FOXC1: variants seen among roughly 807,000 people sequenced by gnomAD.
FOXC1 encodes the protein forkhead box protein C1.
A neutral mutation model predicts 8.1 loss-of-function variants in FOXC1; 5 were observed. That is an observed-to-expected ratio of 0.62 (90% CI 0.32 to 1.30). The LOEUF (loss-of-function observed/expected upper bound fraction) is 1.30, where lower values mean the gene tolerates loss of function less well. Among genes scored for constraint, FOXC1 ranks in the 50% most tolerant of loss-of-function variants. The pLI, the probability that FOXC1 is intolerant of heterozygous loss-of-function variation, is 0.05. For missense variants in FOXC1, 942 were observed against 858.0 expected (o/e 1.10, Z -1.22); for synonymous variants, 552 against 417.2 (o/e 1.32, Z -3.94).
In FOXC1 at chr6:1,612,117, A is replaced by G; in HGVS notation, c.*10A>G. The G allele has an allele frequency of 2.5e-6, 4 of 1,613,920 alleles. No individual in the cohort carries two copies. Among genetic ancestry groups the G allele is most frequent in the Non-Finnish European group, 3.4e-6 (4 of 1,179,996 alleles). On this transcript the variant is annotated 3_prime_UTR_variant, in exon 1 of 1. Transcript: ENST00000645831. ...CTGTAGCAAGTTTTGACACACCCTCAAAGCCGAACTAAATCGAACCCCAAA... is the reference window on the plus strand; with the variant it reads ...CTGTAGCAAGTTTTGACACACCCTCGAAGCCGAACTAAATCGAACCCCAAA...
chr6:1,613,767 TAC>T lies in FOXC1; in HGVS notation c.*1662_*1663del, dbSNP rs1762599045. 3 of 223,846 alleles carry T rather than the reference TAC, an allele frequency of 1.3e-5. No individual in the cohort carries two copies. Among genetic ancestry groups the T allele is most frequent in the Admixed American group, 5.9e-5 (1 of 16,898 alleles). 13.9% of individuals were successfully genotyped at this position (223,846 alleles called of 1,614,324 possible). A position where few individuals can be genotyped will look rare whatever the true frequency, so the allele number is the denominator to read the frequency against. On this transcript the variant is annotated 3_prime_UTR_variant, in exon 1 of 1. Coordinates refer to ENST00000645831, the MANE Select transcript of FOXC1 (RefSeq NM_001453.3). ...GGCTTGCAGTTTGTTTTGGAGATAA[TAC>T]AGTTTCCTGCTATCTGCCGCTCCTA...
Position 1,612,500 on chromosome 6 carries a change from C to T in FOXC1, c.*393C>T, listed in dbSNP as rs918803355. On this transcript the variant is annotated 3_prime_UTR_variant, in exon 1 of 1. Transcript: ENST00000645831. The stretch of plus-strand genomic sequence containing the variant: ...CTCTCTTGCCTTCTTCCTTGCCTCT[C>T]ACCTGTAAGATATTATTTTATCCTA... 5.2e-6 allele frequency: 2 copies of T among 384,954 alleles called. No individual in the cohort carries two copies. Among genetic ancestry groups the T allele is most frequent in the Admixed American group, 4.4e-5 (1 of 22,782 alleles). 23.8% of individuals were successfully genotyped at this position (384,954 alleles called of 1,614,324 possible).
Position 1,612,522 on chromosome 6 carries a change from C to G in FOXC1, c.*415C>G, listed in dbSNP as rs987612826. ...TCTCACCTGTAAGATATTATTTTAT[C>G]CTATGTTGAAGGGAGGGGGAAAGTC... On this transcript the variant is annotated 3_prime_UTR_variant, in exon 1 of 1. Coordinates refer to ENST00000645831, the MANE Select transcript of FOXC1 (RefSeq NM_001453.3). 2.3e-5 allele frequency: 7 copies of G among 309,084 alleles called. No homozygotes were observed. The Admixed American group carries it at 2.9e-4, about 13-fold the overall frequency. 19.1% of individuals were successfully genotyped at this position (309,084 alleles called of 1,614,324 possible).
In FOXC1 at chr6:1,611,625, C is replaced by T. The variant is rs1304195222; in HGVS notation, c.1180C>T (p.His394Tyr). Residue 394 changes from histidine (H) to tyrosine (Y), a missense_variant, in exon 1 of 1, where the codon CAC (histidine) becomes TAC (tyrosine). Physicochemically the swap from His to Tyr is moderately conservative, Grantham distance 83. Transcript: ENST00000645831. The surrounding 1 kb of genome is among the most constrained non-coding windows in gnomAD (Gnocchi z 7.1). Reference protein sequence around the residue: ...AGGAGGAGTYHCNLQAMSLYA... With the variant: ...AGGAGGAGTYYCNLQAMSLYA... ...GGGCGCGGGCGGCGCCGGGACCTAC[C>T]ACTGCAACCTGCAAGCCATGAGCCT... is the stretch of plus-strand genomic sequence containing the variant. 4 of 1,283,910 alleles carry T rather than the reference C, an allele frequency of 3.1e-6. No homozygotes were observed. The African/African-American group carries it at 4.8e-5, about 15-fold the overall frequency. 79.5% of individuals were successfully genotyped at this position (1,283,910 alleles called of 1,614,324 possible).
Position 1,611,104 on chromosome 6 carries a change from C to T in FOXC1, c.659C>T (p.Pro220Leu). ...DGNAPGPQPP[P>L]VRIQDIKTEN... ...AACGCGCCCGGTCCGCAGCCGCCGC[C>T]CGTGCGCATCCAGGACATCAAGACC... Residue 220 changes from proline (P) to leucine (L), a missense_variant, in exon 1 of 1, where the codon CCC becomes CTC. This residue lies in a region of FOXC1 where 726 missense variants were observed against 599.6 expected (regional missense o/e 1.21). Transcript: ENST00000645831. This position sits in a 1 kb window ranked among gnomAD's most constrained non-coding sequence, Gnocchi z 7.1. 1.5e-6 allele frequency: 2 copies of T among 1,378,596 alleles called. No individual in the cohort carries two copies. Among genetic ancestry groups the T allele is most frequent in the Non-Finnish European group, 1.9e-6 (2 of 1,054,274 alleles). 85.4% of individuals were successfully genotyped at this position (1,378,596 alleles called of 1,614,324 possible).
At position 1,610,665 on chromosome 6, in the gene FOXC1, A is replaced by G. The variant is rs762644463; in HGVS notation, c.220A>G (p.Lys74Glu). ...GCCCTACACGCCGCAGCCGCAGCCC[A>G]AGGACATGGTGAAGCCGCCCTATAG... ...YGPYTPQPQP[K>E]DMVKPPYSYI... The change falls in exon 1 of 1, where the codon AAG becomes GAG. Residue 74 changes from lysine (K) to glutamate (E), a missense_variant. Coordinates refer to ENST00000645831, the MANE Select transcript of FOXC1 (RefSeq NM_001453.3). 1 of 1,613,518 alleles carries G rather than the reference A, an allele frequency of 6.2e-7. No homozygotes were observed. Among genetic ancestry groups the G allele is most frequent in the South Asian group, 1.1e-5 (1 of 91,072 alleles).
chr6:1,611,795 CGGCGGCGGCGGG>C lies in FOXC1; in HGVS notation c.1353_1364del (p.Gly453_Gly456del), dbSNP rs1561676013. The C allele has an allele frequency of 7.5e-6, 11 of 1,464,916 alleles. No individual in the cohort carries two copies. In the South Asian group the frequency reaches 1.5e-4, roughly 19 times the overall value. The allele number at this position is 1,464,916 out of a possible 1,614,324, so 90.7% of individuals were successfully genotyped here. ...CGTCCCTGAGTCACGGCGGCGGCGG[CGGCGGCGGCGGG>C]GGAGGCCAGGAGGCCGGCCACCACC... On this transcript the variant is annotated inframe_deletion, in exon 1 of 1. Coordinates refer to ENST00000645831, the MANE Select transcript of FOXC1 (RefSeq NM_001453.3). This position sits in a 1 kb window ranked among gnomAD's most constrained non-coding sequence, Gnocchi z 7.1.
Position 1,611,593 on chromosome 6 carries a change from CCGCGGGGGG to C in FOXC1, c.1155_1163del (p.Gly389_Gly391del), listed in dbSNP as rs986306220. 1.2e-5 allele frequency: 14 copies of C among 1,143,886 alleles called. No homozygotes were observed. The highest frequency in any genetic ancestry group is 8.8e-5 in the African/African-American group (5 of 57,038). The allele number at this position is 1,143,886 out of a possible 1,614,324, so 70.9% of individuals were successfully genotyped here. On this transcript the variant is annotated inframe_deletion, in exon 1 of 1. Coordinates refer to ENST00000645831, the MANE Select transcript of FOXC1 (RefSeq NM_001453.3). The surrounding 1 kb of genome is among the most constrained non-coding windows in gnomAD (Gnocchi z 7.1). ...GGCGGCGGCGGCGGCGGCGCGGGGG[CCGCGGGGGG>C]CGCGGGCGGCGCCGGGACCTACCAC... is the stretch of plus-strand genomic sequence containing the variant.
chr6:1,612,265 C>T lies in FOXC1; in HGVS notation c.*158C>T, dbSNP rs1025952402. On this transcript the variant is annotated 3_prime_UTR_variant, in exon 1 of 1. Coordinates refer to ENST00000645831, the MANE Select transcript of FOXC1 (RefSeq NM_001453.3). ...ACAGAATATCCCTCCAAAAATTCAG[C>T]TCACCAGCACCAGCACGAAGAAAAC... The T allele has an allele frequency of 2.7e-6, 3 of 1,109,752 alleles. No individual in the cohort carries two copies. Among genetic ancestry groups the T allele is most frequent in the Non-Finnish European group, 3.9e-6 (3 of 771,234 alleles). The allele number at this position is 1,109,752 out of a possible 1,614,324, so 68.7% of individuals were successfully genotyped here. A position where few individuals can be genotyped will look rare whatever the true frequency, so the allele number is the denominator to read the frequency against.
In FOXC1 at chr6:1,612,385, C is replaced by T. The variant is rs368696215; in HGVS notation, c.*278C>T. 125 of 577,200 alleles carry T rather than the reference C, an allele frequency of 2.2e-4. 2 individuals carry two copies. In the East Asian group the frequency reaches 3.3e-3, roughly 15 times the overall value. The allele number at this position is 577,200 out of a possible 1,614,324, so 35.8% of individuals were successfully genotyped here. On this transcript the variant is annotated 3_prime_UTR_variant, in exon 1 of 1. Coordinates refer to ENST00000645831, the MANE Select transcript of FOXC1 (RefSeq NM_001453.3). ...CTGTTTTATACAGAGACAGCAAAAT[C>T]TTGGTTTATTAAAGGACAGTGTTAC...
rs533710669 is a variant in FOXC1 at position 1,610,643 on chromosome 6, C to G, written c.198C>G (p.Pro66=). 27 of 1,613,014 alleles carry G rather than the reference C, an allele frequency of 1.7e-5. No homozygotes were observed. The African/African-American group carries it at 2.7e-4, about 16-fold the overall frequency. The change falls in exon 1 of 1, where the codon CCC becomes CCG. Residue 66 remains proline (P), a synonymous_variant. Transcript: ENST00000645831. ...YPGGMARAYG[P]YTPQPQPKDM... is the part of the protein sequence containing the mutation. ...GCGGCATGGCCCGCGCCTACGGGCC[C>G]TACACGCCGCAGCCGCAGCCCAAGG...
Position 1,611,515 on chromosome 6 carries a change from A to G in FOXC1, c.1070A>G (p.Gln357Arg). The stretch of plus-strand genomic sequence containing the variant: ...GCGCTCGGCGCCTACTCGCCCGGCC[A>G]GAGCTCCCTCTACAGCTCCCCCTGC... ...PLALGAYSPG[Q>R]SSLYSSPCSQ... is the part of the protein sequence containing the mutation. Residue 357 changes from glutamine to arginine, a missense_variant, in exon 1 of 1, where the codon CAG becomes CGG. Around this residue, in one of 4 missense-constraint regions of FOXC1, gnomAD observed 726 missense variants for 599.6 expected, o/e 1.21. Coordinates refer to ENST00000645831, the MANE Select transcript of FOXC1 (RefSeq NM_001453.3). The surrounding 1 kb of genome is among the most constrained non-coding windows in gnomAD (Gnocchi z 7.1). 3 of 1,361,622 alleles carry G rather than the reference A, an allele frequency of 2.2e-6. No homozygotes were observed. Among genetic ancestry groups the G allele is most frequent in the Non-Finnish European group, 1.9e-6 (2 of 1,051,416 alleles). The allele number at this position is 1,361,622 out of a possible 1,614,324, so 84.3% of individuals were successfully genotyped here.
Position 1,611,964 on chromosome 6 carries a change from G to A in FOXC1, c.1519G>A (p.Val507Met). Reference protein sequence around the residue: ...YPGQQQNFHSVREMFESQRIG... With the variant: ...YPGQQQNFHSMREMFESQRIG... ...GGGCCAGCAGCAGAACTTCCACTCG[G>A]TGCGGGAGATGTTCGAGTCACAGAG... The change falls in exon 1 of 1, where the codon GTG becomes ATG. Residue 507 changes from valine to methionine, a missense_variant. By Grantham distance (21) the Val-to-Met change is conservative (BLOSUM62 1). This residue lies in a region of FOXC1 where 726 missense variants were observed against 599.6 expected (regional missense o/e 1.21). Transcript: ENST00000645831. This position sits in a 1 kb window ranked among gnomAD's most constrained non-coding sequence, Gnocchi z 7.1. The A allele has an allele frequency of 1.2e-6, 2 of 1,606,584 alleles. No individual in the cohort carries two copies. The highest frequency in any genetic ancestry group is 1.7e-6 in the Non-Finnish European group (2 of 1,176,570).
chr6:1,609,976 A>C lies in FOXC1; in HGVS notation c.-470A>C, dbSNP rs1288428608. 1 of 150,952 alleles carries C rather than the reference A, an allele frequency of 6.6e-6. No individual in the cohort carries two copies. Among genetic ancestry groups the C allele is most frequent in the Non-Finnish European group, 1.5e-5 (1 of 67,970 alleles). The allele number at this position is 150,952 out of a possible 1,614,324, so 9.4% of individuals were successfully genotyped here. A position where few individuals can be genotyped will look rare whatever the true frequency, so the allele number is the denominator to read the frequency against. The stretch of plus-strand genomic sequence containing the variant: ...AGCGGCTGGCGCGCGAGAGACCGAG[A>C]AAAGGTGACGCGGGGCCCGGGCAGG... On this transcript the variant is annotated 5_prime_UTR_variant, in exon 1 of 1. Transcript: ENST00000645831.
In FOXC1 at chr6:1,611,781, C is replaced by CACG; in HGVS notation, c.1337_1339dup (p.His446_Gly447insAsp). 6 of 1,435,054 alleles carry CACG rather than the reference C, an allele frequency of 4.2e-6. No homozygotes were observed. The highest frequency in any genetic ancestry group is 4.6e-6 in the Non-Finnish European group (5 of 1,098,858). The allele number at this position is 1,435,054 out of a possible 1,614,324, so 88.9% of individuals were successfully genotyped here. ...CAGCAGCAGCTCGTCGTCCCTGAGT[C>CACG]ACGGCGGCGGCGGCGGCGGCGGCGG... On this transcript the variant is annotated inframe_insertion, in exon 1 of 1. Transcript: ENST00000645831. This position sits in a 1 kb window ranked among gnomAD's most constrained non-coding sequence, Gnocchi z 7.1.
Position 1,610,010 on chromosome 6 carries a change from G to A in FOXC1, c.-436G>A, listed in dbSNP as rs1762501501. On this transcript the variant is annotated 5_prime_UTR_variant, in exon 1 of 1. Coordinates refer to ENST00000645831, the MANE Select transcript of FOXC1 (RefSeq NM_001453.3). ...CGCGGGGCCCGGGCAGGCGGCCGGCGCGCGGCCCCCCCCCCCCCCGCCCTG... is the reference window on the plus strand; with the variant it reads ...CGCGGGGCCCGGGCAGGCGGCCGGCACGCGGCCCCCCCCCCCCCCGCCCTG... The A allele has an allele frequency of 1.4e-5, 2 of 139,846 alleles. No homozygotes were observed. Among genetic ancestry groups the A allele is most frequent in the African/African-American group, 5.3e-5 (2 of 37,664 alleles). The allele number at this position is 139,846 out of a possible 1,614,324, so 8.7% of individuals were successfully genotyped here. A position where few individuals can be genotyped will look rare whatever the true frequency, so the allele number is the denominator to read the frequency against.
rs1323929504 is a variant in FOXC1, at chr6:1,611,129, C to G, written c.684C>G (p.Thr228=). 2 of 1,426,516 alleles carry G rather than the reference C, an allele frequency of 1.4e-6. No individual in the cohort carries two copies. Among genetic ancestry groups the G allele is most frequent in the African/African-American group, 1.5e-5 (1 of 66,704 alleles). 88.4% of individuals were successfully genotyped at this position (1,426,516 alleles called of 1,614,324 possible). The change falls in exon 1 of 1, where the codon ACC becomes ACG. Residue 228 remains threonine (T), a synonymous_variant. Transcript: ENST00000645831. This position sits in a 1 kb window ranked among gnomAD's most constrained non-coding sequence, Gnocchi z 7.1. Reference sequence around the variant, plus strand: ...CCGTGCGCATCCAGGACATCAAGACCGAGAACGGTACGTGCCCCTCGCCGC... The same window carrying G: ...CCGTGCGCATCCAGGACATCAAGACGGAGAACGGTACGTGCCCCTCGCCGC... ...PPPVRIQDIK[T]ENGTCPSPPQ...
Position 1,610,964 on chromosome 6 carries a change from C to T in FOXC1, c.519C>T (p.Arg173=), listed in dbSNP as rs766717877. The T allele has an allele frequency of 1.7e-5, 27 of 1,612,910 alleles. 1 individual carries two copies. The South Asian group carries it at 2.7e-4, about 16-fold the overall frequency. ...GCAGCTTCCTGCGGCGGCGGCGGCG[C>T]TTCAAGAAGAAGGACGCGGTGAAGG... ...ENGSFLRRRR[R]FKKKDAVKDK... Residue 173 remains arginine, a synonymous_variant, in exon 1 of 1, where the codon CGC becomes CGT. Transcript: ENST00000645831.
chr6:1,611,143 G>A lies in FOXC1; in HGVS notation c.698G>A (p.Cys233Tyr). ...IQDIKTENGT[C>Y]PSPPQPLSPA... ...GACATCAAGACCGAGAACGGTACGT[G>A]CCCCTCGCCGCCCCAGCCCCTGTCC... The change falls in exon 1 of 1, where the codon TGC becomes TAC. Residue 233 changes from cysteine to tyrosine, a missense_variant. By Grantham distance (194) the Cys-to-Tyr change is radical (BLOSUM62 -2). Transcript: ENST00000645831. The surrounding 1 kb of genome is among the most constrained non-coding windows in gnomAD (Gnocchi z 7.1). 1 of 1,438,444 alleles carries A rather than the reference G, an allele frequency of 7.0e-7. No individual in the cohort carries two copies. The highest frequency in any genetic ancestry group is 1.3e-5 in the South Asian group (1 of 75,448). The allele number at this position is 1,438,444 out of a possible 1,614,324, so 89.1% of individuals were successfully genotyped here.
Sources: allele counts gnomAD v4.1 joint callset, GRCh38; gene constraint gnomAD v4.1.1; regional missense constraint gnomAD v4.1.1; non-coding constraint Gnocchi (gnomAD v3.1); transcripts MANE v1.5; gene names NCBI Gene and HGNC (gene_info 2026-07-23, HGNC 2026-07-21).